The following CCSER1 variants were observed in gnomAD, a reference collection of about 807,000 sequenced individuals.
CCSER1 encodes coiled-coil serine rich protein 1.
Under a neutral mutation model 82.0 loss-of-function variants are expected in CCSER1, and 41 were observed. The ratio of observed to expected loss-of-function variants is 0.50; its 90% confidence interval spans 0.39 to 0.65. CCSER1 has a LOEUF of 0.65. Ranked by LOEUF, CCSER1 falls within the 30% of genes least tolerant of loss-of-function variation. CCSER1 has a pLI of 0.00. For missense variants in CCSER1, 1,119 were observed against 1,064.2 expected, an observed-to-expected ratio of 1.05 and a Z score of -0.72; for synonymous variants, 414 against 383.9, an observed-to-expected ratio of 1.08 and a Z score of -0.92.
intron 4 of CCSER1, among the ~76,000 whole-genome samples, chr4:90,443,165 C>T (rs774071864): frequency 3.9e-5 from 6 of 152,058 alleles, no homozygotes; most frequent in Non-Finnish European, 8.8e-5. Flanking sequence ...TAGTTCTTTC[C>T]ATGGATCTTA....
chr4:91,148,625 C>A (rs1729789637), intron 10 of CCSER1, among the ~76,000 whole-genome samples: 1 of 152,246 alleles, frequency 6.6e-6, no homozygotes, highest in Admixed American at 6.5e-5. Flanking sequence ...CTGATGCTAT[C>A]CATCCCCCAT....
chr4:91,231,510 A>G (rs1738623835), intron 10 of CCSER1, among the ~76,000 whole-genome samples: 1 of 151,816 alleles, frequency 6.6e-6, no homozygotes. Flanking sequence ...CATTATACGT[A>G]TAGGTTGTTC....
chr4:90,986,888 C>A (rs1581265429), intron 9 of CCSER1, among the ~76,000 whole-genome samples: 1 of 151,656 alleles, frequency 6.6e-6, no homozygotes, highest in East Asian at 1.9e-4. Context: ...ATTTAGTCAA[C>A]TTGCTAAATA....
At chr4:90,690,888 C>G (rs1735704109) in intron 6 of CCSER1, among the ~76,000 whole-genome samples, 1 of 151,224 alleles carries the variant, frequency 6.6e-6, no homozygotes, top group Non-Finnish European at 1.5e-5. Context: ...CTGGGCCTTT[C>G]TATGTTCTAT....
intron 3 of CCSER1, among the ~76,000 whole-genome samples, chr4:90,385,758 C>A (rs1046572317): frequency 6.6e-6 from 1 of 151,938 alleles, no homozygotes; most frequent in Non-Finnish European, 1.5e-5. Flanking sequence ...AGCATTTTTT[C>A]ATATATTTCT....
intron 10 of CCSER1, among the ~76,000 whole-genome samples, chr4:91,129,390 AAAG>A: frequency 6.6e-6 from 1 of 152,242 alleles, no homozygotes; most frequent in East Asian, 1.9e-4. Context: ...GTTGTGTTAG[AAAG>A]AAGTTGGGGA....
At chr4:91,017,026 C>T (rs1299690145) in intron 9 of CCSER1, 2 of 152,104 alleles carry the variant, frequency 1.3e-5, no homozygotes, top group African/African-American at 4.8e-5. Flanking sequence ...AAGTACCTGC[C>T]TCCCGAGGAG....
chr4:90,946,893 CA>C (rs1246212080), intron 9 of CCSER1, among the ~76,000 whole-genome samples: 2 of 152,158 alleles, frequency 1.3e-5, no homozygotes, highest in Admixed American at 1.3e-4. Flanking sequence ...TGACTCATAA[CA>C]TCAAATATTG....
chr4:91,343,457 A>G (rs1224489250), intron 10 of CCSER1, among the ~76,000 whole-genome samples: 1 of 152,098 alleles, frequency 6.6e-6, no homozygotes, highest in Non-Finnish European at 1.5e-5. Flanking sequence ...CTAGACAATG[A>G]CTTACCATTT....
Position 91,588,973 on chromosome 4 carries a change from A to T in CCSER1, c.2218-9599A>T, listed in dbSNP as rs980646484. ...GATAGTTTGTATGAAAGCCATTTAT[A>T]ATATTTTACAGTATATGACAGATGG... On this transcript the variant is annotated intron_variant, in intron 10 of 10. Transcript: ENST00000509176. Among the ~76,000 whole-genome samples, 3 of 151,834 alleles carry T rather than the reference A, an allele frequency of 2.0e-5. No homozygotes were observed. In the South Asian group the frequency reaches 6.2e-4, roughly 31 times the overall value.
At chr4:91,075,518 T>C (rs569751473) in intron 9 of CCSER1, among the ~76,000 whole-genome samples, 8 of 152,228 alleles carry the variant, frequency 5.3e-5, no homozygotes, top group East Asian at 3.9e-4. Flanking sequence ...GTGAATCTTA[T>C]ATTAATATTA....
At chr4:90,516,539 G>C (rs1302865644) in intron 5 of CCSER1, among the ~76,000 whole-genome samples, 1 of 152,146 alleles carries the variant, frequency 6.6e-6, no homozygotes, top group Non-Finnish European at 1.5e-5. Context: ...GTCACACTCA[G>C]CTAGAGCAAA....
chr4:91,093,762 A>G (rs931345136), intron 10 of CCSER1, among the ~76,000 whole-genome samples: 5 of 152,208 alleles, frequency 3.3e-5, no homozygotes, highest in Admixed American at 2.0e-4. Flanking sequence ...GCTGGGGCTG[A>G]CATAAGTTTT....
At chr4:91,102,854 T>A (rs1725217651) in intron 10 of CCSER1, among the ~76,000 whole-genome samples, 2 of 152,344 alleles carry the variant, frequency 1.3e-5, no homozygotes, top group South Asian at 2.1e-4. Context: ...CCAAATGAGG[T>A]TGAACTCTTA....
At chr4:91,167,713 T>C (rs553739565) in intron 10 of CCSER1, among the ~76,000 whole-genome samples, 63 of 152,354 alleles carry the variant, frequency 4.1e-4, no homozygotes, top group Middle Eastern at 6.8e-3. Flanking sequence ...TCAGGGAATA[T>C]ATATGATTTA....
At chr4:90,297,100 C>A (rs982626806) in intron 1 of CCSER1, among the ~76,000 whole-genome samples, 5 of 152,136 alleles carry the variant, frequency 3.3e-5, no homozygotes, top group Admixed American at 2.0e-4. Flanking sequence ...GCCATTTTCA[C>A]AATATTGATT....
intron 3 of CCSER1, among the ~76,000 whole-genome samples, chr4:90,332,398 G>A (rs1224746158): frequency 1.3e-5 from 2 of 151,772 alleles, no homozygotes; most frequent in African/African-American, 4.8e-5. Context: ...TACCACCCTG[G>A]GCTAACTTTG....
rs540235263 is a variant in CCSER1, at chr4:91,352,134, G to C, written c.2218-246438G>C. Among the ~76,000 whole-genome samples, 15 of 152,256 alleles carry C rather than the reference G, an allele frequency of 9.9e-5. No individual in the cohort carries two copies. The Middle Eastern group carries it at 0.01, about 104-fold the overall frequency. On this transcript the variant is annotated intron_variant, in intron 10 of 10. Transcript: ENST00000509176. The stretch of plus-strand genomic sequence containing the variant: ...AGGCAATTTGTATGATTCAATAATA[G>C]CTATATACCAATTTATATACCTGAC...
At chr4:91,593,397 G>GA (rs1309763194) in intron 10 of CCSER1, among the ~76,000 whole-genome samples, 8 of 146,820 alleles carry the variant, frequency 5.4e-5, no homozygotes, top group Non-Finnish European at 1.2e-4. Flanking sequence ...GAAAGCCAAG[G>GA]AAAAAAACAG....
Sources: gnomAD v4.1 joint callset for allele counts (sites outside exome capture counted in the v4.1 genomes callset) on GRCh38, gnomAD v4.1.1 for gene constraint, MANE v1.5 for transcripts, NCBI Gene and HGNC (gene_info 2026-07-23, HGNC 2026-07-21) for gene names.